UBE2V1: variants seen among roughly 807,000 people sequenced by gnomAD.
UBE2V1 encodes the protein ubiquitin-conjugating enzyme E2 variant 1.
A neutral mutation model predicts 19.6 loss-of-function variants in UBE2V1; 15 were observed. That is an observed-to-expected ratio of 0.77 (90% CI 0.51 to 1.18). UBE2V1 has a LOEUF of 1.18. Ranked by LOEUF, UBE2V1 falls within the 50% of genes most tolerant of loss-of-function variation. The probability of loss-of-function intolerance (pLI) is 0.00; values close to 1 mark genes in which losing one functional copy is unlikely to be tolerated. For synonymous variants in UBE2V1, 60 were observed against 60.7 expected, an observed-to-expected ratio of 0.99 and a Z score of 0.05; for missense variants, 125 against 184.8, an observed-to-expected ratio of 0.68 and a Z score of 1.88.
intron 2 of UBE2V1, among the ~76,000 whole-genome samples, chr20:50,087,222 CCT>C (rs2078970295): frequency 2.0e-5 from 3 of 152,034 alleles, no homozygotes; most frequent in Non-Finnish European, 2.9e-5. Flanking sequence ...ATGATGAAAC[CCT>C]GTCTCTACTA....
intron 1 of UBE2V1, among the ~76,000 whole-genome samples, chr20:50,101,717 A>G (rs968925925): frequency 3.9e-5 from 6 of 152,264 alleles, no homozygotes; most frequent in African/African-American, 1.4e-4. Context: ...TCTCAGTGTG[A>G]TAGTTATCCA....
upstream of UBE2V1, chr20:50,114,953 CT>C (rs1448055969): frequency 2.0e-5 from 3 of 152,310 alleles, no homozygotes; most frequent in East Asian, 5.8e-4. Flanking sequence ...GTAATCCCAG[CT>C]ACTCGGGAGG....
intron 2 of UBE2V1, among the ~76,000 whole-genome samples, chr20:50,091,802 C>T (rs1723938815): frequency 6.6e-6 from 1 of 152,162 alleles, no homozygotes; most frequent in Non-Finnish European, 1.5e-5. Flanking sequence ...TAGGAAGATC[C>T]CATTTTTCTT....
At chr20:50,098,167 A>G (rs1327700610) in intron 1 of UBE2V1, among the ~76,000 whole-genome samples, 1 of 152,204 alleles carries the variant, frequency 6.6e-6, no homozygotes, top group Non-Finnish European at 1.5e-5. Context: ...AGACCTAAAG[A>G]AGGTGAGAGG....
intron 1 of UBE2V1, among the ~76,000 whole-genome samples, chr20:50,107,038 C>G (rs950668386): frequency 1.3e-5 from 2 of 152,162 alleles, no homozygotes; most frequent in Admixed American, 6.5e-5. Flanking sequence ...GAAGGTGATG[C>G]ACTGGGATTC....
intron 2 of UBE2V1, among the ~76,000 whole-genome samples, chr20:50,089,185 A>G (rs1234215849): frequency 6.6e-6 from 1 of 152,182 alleles, no homozygotes; most frequent in Non-Finnish European, 1.5e-5. Flanking sequence ...GAAACTCTTA[A>G]GGGAGGGGGG....
chr20:50,096,572 C>T, intron 2 of UBE2V1, 100 bp downstream of exon 2: 2 of 1,605,454 alleles, frequency 1.2e-6, no homozygotes, highest in Non-Finnish European at 8.5e-7. Context: ...AGAAAATATA[C>T]CATTGGTGAG....
intron 2 of UBE2V1, 32 bp downstream of exon 2, chr20:50,096,640 A>G: frequency 6.2e-7 from 1 of 1,611,290 alleles, no homozygotes; most frequent in Non-Finnish European, 8.5e-7. Flanking sequence ...AATTTAAGAC[A>G]TTGACATTTA....
At chr20:50,092,428 C>T (rs1029363935) in intron 2 of UBE2V1, among the ~76,000 whole-genome samples, 2 of 152,166 alleles carry the variant, frequency 1.3e-5, no homozygotes, top group Non-Finnish European at 2.9e-5. Context: ...GAGGATCAAG[C>T]GTTGCCTAGA....
upstream of UBE2V1, among the ~76,000 whole-genome samples, chr20:50,113,392 G>C (rs549860897): frequency 6.6e-6 from 1 of 152,328 alleles, no homozygotes; most frequent in South Asian, 2.1e-4. Flanking sequence ...GAAGGGCAGG[G>C]GTGACTAGGC....
At chr20:50,084,018 C>G (rs2078763641) in intron 3 of UBE2V1, 111 bp downstream of exon 3, 5 of 1,486,530 alleles carry the variant, frequency 3.4e-6, no homozygotes. Flanking sequence ...TACAGTTTAT[C>G]AACAAATAAC....
At chr20:50,087,793 A>C (rs2079006796) in intron 2 of UBE2V1, among the ~76,000 whole-genome samples, 2 of 152,182 alleles carry the variant, frequency 1.3e-5, no homozygotes, top group South Asian at 4.1e-4. Context: ...GTCTCCTTGC[A>C]AGGGACTATA....
At chr20:50,111,421 G>A in intron 1 of UBE2V1, 2 of 1,000,270 alleles carry the variant, frequency 2.0e-6, no homozygotes, top group Non-Finnish European at 1.2e-6. Context: ...CAGCACACTG[G>A]GCCCCTTCGT....
At position 50,081,359 on chromosome 20, in the gene UBE2V1, A is replaced by C. The variant is rs2078636812; in HGVS notation, c.*1409T>G. ...CAAATACTAAATTAAAAAAAAAAAAAAAACCTTTAGTACACAATGAATTGC... is the reference window on the plus strand; with the variant it reads ...CAAATACTAAATTAAAAAAAAAAAACAAACCTTTAGTACACAATGAATTGC... On this transcript the variant is annotated 3_prime_UTR_variant, in exon 4 of 4. Coordinates refer to ENST00000371674, the MANE Select transcript of UBE2V1 (RefSeq NM_001032288.3). 1 of 152,466 alleles carries C rather than the reference A, an allele frequency of 6.6e-6. No homozygotes were observed. The highest frequency in any genetic ancestry group is 1.5e-5 in the Non-Finnish European group (1 of 68,012). 9.4% of individuals were successfully genotyped at this position (152,466 alleles called of 1,614,324 possible). A position where few individuals can be genotyped will look rare whatever the true frequency, so the allele number is the denominator to read the frequency against.
At chr20:50,084,355 C>T (rs762244194) in intron 2 of UBE2V1, 101 bp from the exon 3 acceptor site, 5 of 1,592,786 alleles carry the variant, frequency 3.1e-6, no homozygotes, top group Non-Finnish European at 4.3e-6. Context: ...AGAACTGGTA[C>T]ATCTGCTTCC....
chr20:50,111,515 TG>T, intron 1 of UBE2V1: 1 of 1,000,276 alleles, frequency 1.0e-6, no homozygotes, highest in South Asian at 4.7e-5. Flanking sequence ...CTTCTGGGAG[TG>T]CCTGGGGCAG....
chr20:50,094,012 ATAAT>A (rs1268793598), intron 2 of UBE2V1, among the ~76,000 whole-genome samples: 6 of 110,584 alleles, frequency 5.4e-5, no homozygotes, highest in Admixed American at 3.1e-4. Flanking sequence ...AAAAAAAAAA[ATAAT>A]AATAATAATA....
chr20:50,112,012 C>G (rs1454956605), intron 1 of UBE2V1, among the ~76,000 whole-genome samples: 2 of 152,210 alleles, frequency 1.3e-5, no homozygotes, highest in African/African-American at 4.8e-5. Flanking sequence ...CCCATTTCAT[C>G]TATTCACCTC....
At chr20:50,089,329 C>T (rs960795150) in intron 2 of UBE2V1, among the ~76,000 whole-genome samples, 4 of 152,022 alleles carry the variant, frequency 2.6e-5, no homozygotes, top group African/African-American at 7.2e-5. Context: ...GGGGGCTTGG[C>T]GGGATGTGAT....
Sources: allele counts gnomAD v4.1 joint callset (sites outside exome capture counted in the v4.1 genomes callset), GRCh38; gene constraint gnomAD v4.1.1; transcripts MANE v1.5; gene names NCBI Gene and HGNC (gene_info 2026-07-23, HGNC 2026-07-21).